SPATA22: variants seen among roughly 807,000 people sequenced by gnomAD.
SPATA22 encodes the protein spermatogenesis-associated protein 22.
A neutral mutation model predicts 47.8 loss-of-function variants in SPATA22; 29 were observed. The observed-to-expected ratio is 0.61, with a 90% CI of 0.45 to 0.83. SPATA22 has a LOEUF of 0.83. Among genes scored for constraint, SPATA22 ranks in the 40% least tolerant of loss-of-function variants. The pLI, the probability that SPATA22 is intolerant of heterozygous loss-of-function variation, is 0.00. For missense variants in SPATA22, 410 were observed against 421.7 expected (o/e 0.97, Z 0.24); for synonymous variants, 133 against 140.9 (o/e 0.94, Z 0.40).
intron 1 of SPATA22, among the ~76,000 whole-genome samples, chr17:3,478,368 T>G (rs369148109): frequency 1.3e-5 from 2 of 152,322 alleles, no homozygotes; most frequent in African/African-American, 2.4e-5. Flanking sequence ...TAGATGTTTT[T>G]CAGGGCAATT....
intron 1 of SPATA22, chr17:3,481,746 T>G (rs1347873661): frequency 6.2e-7 from 1 of 1,613,390 alleles, no homozygotes; most frequent in Non-Finnish European, 8.5e-7. Flanking sequence ...TGCACTCTTA[T>G]TCTTGAGGAT....
Position 3,458,855 on chromosome 17 carries a change from C to CAAAAAAAAAAAAAAAAAAAAAAAAAA in SPATA22, c.329+3627_329+3628insTTTTTTTTTTTTTTTTTTTTTTTTTT, listed in dbSNP as rs545223532. Among the ~76,000 whole-genome samples the CAAAAAAAAAAAAAAAAAAAAAAAAAA allele has an allele frequency of 5.7e-4, 22 of 38,346 alleles. 1 individual carries two copies. Among genetic ancestry groups the CAAAAAAAAAAAAAAAAAAAAAAAAAA allele is most frequent in the South Asian group, 1.4e-3 (1 of 732 alleles). The allele number at this position is 38,346 out of a possible 152,430, so 25.2% of individuals were successfully genotyped here. On this transcript the variant is annotated intron_variant, in intron 5 of 8. Coordinates refer to ENST00000572969, the MANE Select transcript of SPATA22 (RefSeq NM_001170698.2). The stretch of plus-strand genomic sequence containing the variant: ...CCTGGGCAACAAGAGCGAAACTTCA[C>CAAAAAAAAAAAAAAAAAAAAAAAAAA]AAAAAAAAAAAAAAAAAAAAAAAAA...
In SPATA22 at chr17:3,507,198, A is replaced by C. The variant is rs149820865; in HGVS notation, c.-74+6214T>G. On this transcript the variant is annotated intron_variant, in intron 1 of 8. Transcript: ENST00000541913. ...GAAATGGTGGGGTCACAGGTTTAAG[A>C]AGTATGATGGTTTTGAAATAACAAA... Among the ~76,000 whole-genome samples, 675 of 152,336 alleles carry C rather than the reference A, an allele frequency of 4.4e-3. 7 individuals are homozygous for C. Among genetic ancestry groups the C allele is most frequent in the African/African-American group, 0.016 (652 of 41,580 alleles).
At position 3,498,188 on chromosome 17, in the gene SPATA22, G is replaced by T. The variant is rs534716163; in HGVS notation, c.-74+15224C>A. 9.4e-4 allele frequency among the ~76,000 whole-genome samples: 143 copies of T among 152,216 alleles called. 1 individual carries two copies. Among genetic ancestry groups the T allele is most frequent in the African/African-American group, 3.4e-3 (140 of 41,542 alleles). On this transcript the variant is annotated intron_variant, in intron 1 of 8. Coordinates refer to the SPATA22 transcript ENST00000541913. ...ACGGTAGAATGTCTTGCACACAGAA[G>T]ACTCCTAATGGATATTTCCTAAATT...
intron 1 of SPATA22, chr17:3,512,886 G>A (rs2074132286): frequency 6.6e-6 from 1 of 152,144 alleles, no homozygotes; most frequent in Non-Finnish European, 1.5e-5. Context: ...ACATACTGAG[G>A]TATGCGACTA....
At chr17:3,454,798 C>T (rs1202449245) in intron 5 of SPATA22, among the ~76,000 whole-genome samples, 1 of 152,060 alleles carries the variant, frequency 6.6e-6, no homozygotes, top group Non-Finnish European at 1.5e-5. Flanking sequence ...GATTTATAGT[C>T]CTTTGGGTAT....
At position 3,483,432 on chromosome 17, in the gene SPATA22, T is replaced by G. The variant is rs16953070; in HGVS notation, c.-73-14034A>C. 282 of 1,363,970 alleles carry G rather than the reference T, an allele frequency of 2.1e-4. 1 individual carries two copies. The African/African-American group carries it at 3.6e-3, about 18-fold the overall frequency. The allele number at this position is 1,363,970 out of a possible 1,614,324, so 84.5% of individuals were successfully genotyped here. A position where few individuals can be genotyped will look rare whatever the true frequency, so the allele number is the denominator to read the frequency against. On this transcript the variant is annotated intron_variant, in intron 1 of 8. Transcript: ENST00000541913. ...AAAACGTATTGAAGGTATTATTGAC[T>G]CTGTTGAAGCAAAGAGAACAAAACA...
At chr17:3,493,174 G>C (rs1314893517) in intron 1 of SPATA22, among the ~76,000 whole-genome samples, 1 of 152,154 alleles carries the variant, frequency 6.6e-6, no homozygotes, top group Non-Finnish European at 1.5e-5. Context: ...GGTTGAGGTT[G>C]CTGCATCTTT....
At chr17:3,460,748 A>T (rs1360082681) in intron 5 of SPATA22, among the ~76,000 whole-genome samples, 1 of 144,618 alleles carries the variant, frequency 6.9e-6, no homozygotes, top group Non-Finnish European at 1.5e-5. Flanking sequence ...AGCTATGATC[A>T]TGCCACTGCA....
At chr17:3,505,836 T>C (rs150406147) in intron 1 of SPATA22, among the ~76,000 whole-genome samples, 25,360 of 150,484 alleles carry the variant, frequency 0.17, 2,522 homozygotes, top group African/African-American at 0.28. Flanking sequence ...CCGCTCACTG[T>C]AGCCTCTGCC....
At chr17:3,470,546 A>G (rs1380990609) in intron 1 of SPATA22, among the ~76,000 whole-genome samples, 1 of 150,980 alleles carries the variant, frequency 6.6e-6, no homozygotes, top group Non-Finnish European at 1.5e-5. Flanking sequence ...TCAGGAGATC[A>G]AGACCATCCT....
At chr17:3,457,123 CT>C (rs1181305004) in intron 5 of SPATA22, among the ~76,000 whole-genome samples, 3 of 152,158 alleles carry the variant, frequency 2.0e-5, no homozygotes, top group African/African-American at 7.2e-5. Context: ...GAAGCATTCC[CT>C]TTGAAAATGG....
chr17:3,486,713 T>G (rs2073728612), intron 1 of SPATA22, among the ~76,000 whole-genome samples: 1 of 152,204 alleles, frequency 6.6e-6, no homozygotes, highest in East Asian at 1.9e-4. Context: ...CCAGGAGTAA[T>G]GTAATTTAAA....
In SPATA22 at chr17:3,481,648, A is replaced by T. The variant is rs750812337; in HGVS notation, c.-73-12250T>A. On this transcript the variant is annotated intron_variant, in intron 1 of 8. Transcript: ENST00000541913. ...TGCCATATGAAGTGAGAAGGGCTCAAGAAATAAATCATTTATTTGGTCCAA... is the reference window on the plus strand; with the variant it reads ...TGCCATATGAAGTGAGAAGGGCTCATGAAATAAATCATTTATTTGGTCCAA... 4.3e-6 allele frequency: 7 copies of T among 1,613,912 alleles called. No homozygotes were observed. The Admixed American group carries it at 8.3e-5, about 19-fold the overall frequency.
At chr17:3,463,930 T>TTTCC in intron 3 of SPATA22, among the ~76,000 whole-genome samples, 1 of 87,418 alleles carries the variant, frequency 1.1e-5, no homozygotes, top group Non-Finnish European at 2.4e-5. Flanking sequence ...TCCCTCTCCC[T>TTTCC]CTCCCTCTCC....
intron 1 of SPATA22, chr17:3,500,633 G>C (rs912890504): frequency 6.6e-6 from 1 of 152,254 alleles, no homozygotes; most frequent in Non-Finnish European, 1.5e-5. Flanking sequence ...CTCCCCAGTA[G>C]CTGAGATTAC....
upstream of SPATA22, among the ~76,000 whole-genome samples, chr17:3,476,642 G>A (rs2073528257): frequency 6.6e-6 from 1 of 152,092 alleles, no homozygotes; most frequent in Non-Finnish European, 1.5e-5. Flanking sequence ...CTTTTCAAAT[G>A]TATACAGACT....
chr17:3,448,831 A>G lies in SPATA22; in HGVS notation c.648T>C (p.Asp216=), dbSNP rs760996541. 3 of 1,608,660 alleles carry G rather than the reference A, an allele frequency of 1.9e-6. No individual in the cohort carries two copies. The South Asian group carries it at 3.3e-5, about 18-fold the overall frequency. Residue 216 remains aspartate, a synonymous_variant, in exon 6 of 9, where the codon GAT becomes GAC. Coordinates refer to ENST00000572969, the MANE Select transcript of SPATA22 (RefSeq NM_001170698.2). ...QNQYKKQMLD[D]IPEDNTLKET... is the part of the protein sequence containing the mutation. ...CCTTCAGGGTGTTGTCTTCTGGAAT[A>G]TCATCCAACATTTGTTTCTTATATT...
intron 5 of SPATA22, among the ~76,000 whole-genome samples, chr17:3,452,752 G>A (rs751922214): frequency 6.6e-6 from 1 of 152,066 alleles, no homozygotes; most frequent in Non-Finnish European, 1.5e-5. Context: ...GGACTATTAT[G>A]AACATTATAT....
Sources: allele counts gnomAD v4.1 joint callset (sites outside exome capture counted in the v4.1 genomes callset), GRCh38; gene constraint gnomAD v4.1.1; transcripts MANE v1.5; gene names NCBI Gene and HGNC (gene_info 2026-07-23, HGNC 2026-07-21).